Variants in HEATR3 observed in about 807,000 individuals in gnomAD.
The protein encoded by HEATR3 is HEAT repeat-containing protein 3.
In HEATR3, 56 loss-of-function variants were observed where a neutral mutation model predicts 72.8. The ratio of observed to expected loss-of-function variants is 0.77; its 90% CI spans 0.62 to 0.96. The LOEUF is 0.96. HEATR3 is among the 40% of genes least tolerant of loss of function. The pLI is 0.00. For synonymous variants in HEATR3, 331 were observed against 318.1 expected (o/e 1.04, Z -0.43); for missense variants, 747 against 831.4 (o/e 0.90, Z 1.25).
At position 50,066,446 on chromosome 16, in the gene HEATR3, C is replaced by G; in HGVS notation, c.218C>G (p.Pro73Arg). ...CTGGTGCAGCAGCGGCCGGCACTCCCGGGCCTGGCGCGACGAGACGCCGTG... is the reference window on the plus strand; with the variant it reads ...CTGGTGCAGCAGCGGCCGGCACTCCGGGGCCTGGCGCGACGAGACGCCGTG... ...ARLVQQRPAL[P>R]GLARRDAVRR... Residue 73 changes from proline (P) to arginine (R), a missense_variant, in exon 2 of 15, where the codon CCG (proline) becomes CGG (arginine). Pro to Arg is a moderately radical substitution (Grantham distance 103, BLOSUM62 -2). Transcript: ENST00000299192. 1 of 1,398,188 alleles carries G rather than the reference C, an allele frequency of 7.2e-7. No individual in the cohort carries two copies. Among genetic ancestry groups the G allele is most frequent in the East Asian group, 2.9e-5 (1 of 34,136 alleles). 86.6% of individuals were successfully genotyped at this position (1,398,188 alleles called of 1,614,324 possible). A position where few individuals can be genotyped will look rare whatever the true frequency, so the allele number is the denominator to read the frequency against.
Position 50,066,381 on chromosome 16 carries a change from C to A in HEATR3, c.153C>A (p.Ser51Arg). The change falls in exon 2 of 15, where the codon AGC becomes AGA. Residue 51 changes from serine (S) to arginine (R), a missense_variant. Physicochemically the swap from Ser to Arg is moderately radical, Grantham distance 110. This residue lies in a region of HEATR3 where 161 missense variants were observed against 122.6 expected (regional missense o/e 1.31). Transcript: ENST00000299192. Reference sequence around the variant, plus strand: ...CTCATCCGCAGCTCCAGCACCCGAGCGCCGAGGTCCGCGAGTGCGCCTGCG... The same window carrying A: ...CTCATCCGCAGCTCCAGCACCCGAGAGCCGAGGTCCGCGAGTGCGCCTGCG... ...AELLEKLQHP[S>R]AEVRECACAG... The A allele has an allele frequency of 6.5e-7, 1 of 1,548,004 alleles. No individual in the cohort carries two copies.
At chr16:50,088,871 C>A (rs1011638250) in intron 11 of HEATR3, among the ~76,000 whole-genome samples, 6 of 152,164 alleles carry the variant, frequency 3.9e-5, no homozygotes, top group African/African-American at 1.4e-4. Flanking sequence ...CCCTGGCAGC[C>A]CTGGTTCCAC....
At chr16:50,066,299 G>T (rs2150592024) in intron 1 of HEATR3, 30 bp downstream of exon 1, 2 of 1,576,760 alleles carry the variant, frequency 1.3e-6, no homozygotes, top group African/African-American at 1.4e-5. Context: ...GGGCCGGGAG[G>T]CGAGACGAGG....
At chr16:50,067,449 C>T (rs929297477) in intron 2 of HEATR3, among the ~76,000 whole-genome samples, 3 of 152,030 alleles carry the variant, frequency 2.0e-5, no homozygotes, top group Admixed American at 6.5e-5. Context: ...GAAGAATATT[C>T]CCCACAAAGG....
At chr16:50,099,521 C>T (rs2037320058) in intron 12 of HEATR3, among the ~76,000 whole-genome samples, 1 of 152,086 alleles carries the variant, frequency 6.6e-6, no homozygotes, top group South Asian at 2.1e-4. Context: ...ACCCAGGGTT[C>T]AATCTCCAGA....
At chr16:50,089,335 C>T (rs1280462432) in intron 11 of HEATR3, among the ~76,000 whole-genome samples, 1 of 152,068 alleles carries the variant, frequency 6.6e-6, no homozygotes, top group Non-Finnish European at 1.5e-5. Flanking sequence ...ACTGTCACAA[C>T]AGTAATTTTG....
intron 4 of HEATR3, 145 bp from the exon 5 acceptor site, chr16:50,072,460 A>C: frequency 3.4e-6 from 2 of 593,884 alleles, no homozygotes; most frequent in Non-Finnish European, 3.0e-6. Context: ...AATGGGTGTT[A>C]GTTCCTTCAT....
At chr16:50,104,159 G>A (rs2150632412) in intron 14 of HEATR3, among the ~76,000 whole-genome samples, 1 of 152,186 alleles carries the variant, frequency 6.6e-6, no homozygotes, top group East Asian at 1.9e-4. Context: ...AGACCAGCCT[G>A]GGCAACATAG....
At chr16:50,086,657 C>T (rs1191112070) in intron 11 of HEATR3, among the ~76,000 whole-genome samples, 1 of 152,162 alleles carries the variant, frequency 6.6e-6, no homozygotes, top group East Asian at 1.9e-4. Context: ...CAGCCAAGCA[C>T]GGTGGCTCAT....
intron 2 of HEATR3, among the ~76,000 whole-genome samples, chr16:50,067,199 T>C (rs2036516754): frequency 6.6e-6 from 1 of 151,956 alleles, no homozygotes; most frequent in Admixed American, 6.5e-5. Context: ...AGAAAAATTA[T>C]AAACAATTAG....
At chr16:50,083,105 G>A (rs1368980813) in intron 7 of HEATR3, among the ~76,000 whole-genome samples, 1 of 152,164 alleles carries the variant, frequency 6.6e-6, no homozygotes, top group Non-Finnish European at 1.5e-5. Flanking sequence ...CTGCACTCCA[G>A]CCTAGGCAAC....
At chr16:50,085,116 A>G (rs2036960456) in intron 10 of HEATR3, among the ~76,000 whole-genome samples, 1 of 152,116 alleles carries the variant, frequency 6.6e-6, no homozygotes, top group Admixed American at 6.5e-5. Flanking sequence ...TTAAAAAAAA[A>G]AAGAGGCAAG....
Position 50,084,137 on chromosome 16 carries a change from C to A in HEATR3, c.1136C>A (p.Pro379His). The A allele has an allele frequency of 3.7e-6, 6 of 1,614,128 alleles. No individual in the cohort carries two copies. Among genetic ancestry groups the A allele is most frequent in the Non-Finnish European group, 5.1e-6 (6 of 1,180,038 alleles). Residue 379 changes from proline (P) to histidine (H), a missense_variant, in exon 9 of 15, where the codon CCC becomes CAC. Transcript: ENST00000299192. ...IIVNMCCNED[P>H]SDDEWEELSS... The stretch of plus-strand genomic sequence containing the variant: ...GCGTGGTTTGCCCGCTTCCCAGATC[C>A]CTCTGATGACGAATGGGAAGAGCTT...
chr16:50,087,170 G>A (rs756952510), intron 11 of HEATR3, among the ~76,000 whole-genome samples: 3 of 151,902 alleles, frequency 2.0e-5, no homozygotes, highest in East Asian at 1.9e-4. Flanking sequence ...GTGTGTATGC[G>A]GGCATGCGTG....
rs1427701418 is a variant in HEATR3, at chr16:50,102,321, A to G, written c.1806A>G (p.Glu602=). Residue 602 remains glutamate (E), a synonymous_variant, in exon 14 of 15, where the codon GAA becomes GAG. Coordinates refer to ENST00000299192, the MANE Select transcript of HEATR3 (RefSeq NM_182922.4). ...ATCCTTCCCTTGTGGTAGCAGGAGAAGCTTTGGATGCCCTCTTTGATGTTT... is the reference window on the plus strand; with the variant it reads ...ATCCTTCCCTTGTGGTAGCAGGAGAGGCTTTGGATGCCCTCTTTGATGTTT... ...TKDPSLVVAG[E]ALDALFDVFA... The G allele has an allele frequency of 6.2e-7, 1 of 1,614,138 alleles. No individual in the cohort carries two copies.
intron 4 of HEATR3, among the ~76,000 whole-genome samples, chr16:50,072,148 T>C (rs2036625942): frequency 6.6e-6 from 1 of 152,184 alleles, no homozygotes; most frequent in Non-Finnish European, 1.5e-5. Flanking sequence ...TTTATCCTCC[T>C]TTAACTTGTT....
intron 12 of HEATR3, among the ~76,000 whole-genome samples, chr16:50,096,676 G>T (rs1323433230): frequency 6.6e-6 from 1 of 151,996 alleles, no homozygotes; most frequent in East Asian, 1.9e-4. Flanking sequence ...GCAGGCACCT[G>T]TAATCCCAGC....
chr16:50,094,578 TTTTG>T (rs137967056), intron 11 of HEATR3, 123 bp from the exon 12 acceptor site: 54,953 of 536,068 alleles, frequency 0.1, 2,987 homozygotes, highest in African/African-American at 0.15. Context: ...GAGGGTTTTT[TTTTG>T]TTTGTTTGTT....
intron 14 of HEATR3, among the ~76,000 whole-genome samples, chr16:50,103,015 G>T (rs2037403142): frequency 6.6e-6 from 1 of 152,046 alleles, no homozygotes; most frequent in African/African-American, 2.4e-5. Context: ...TGCCCACCTT[G>T]GCCTCCCAAA....
Sources: allele counts gnomAD v4.1 joint callset (sites outside exome capture counted in the v4.1 genomes callset), GRCh38; gene constraint gnomAD v4.1.1; regional missense constraint gnomAD v4.1.1; transcripts MANE v1.5; gene names NCBI Gene and HGNC (gene_info 2026-07-23, HGNC 2026-07-21).